FNTB: variants seen among roughly 807,000 people sequenced by gnomAD.
FNTB encodes farnesyltransferase, CAAX box, subunit beta, also known as protein farnesyltransferase subunit beta.
FNTB carries 27 observed loss-of-function variants against 59.4 expected under a neutral mutation model. The ratio of observed to expected loss-of-function variants is 0.45; its 90% CI spans 0.34 to 0.63. FNTB has a LOEUF of 0.63. Among genes scored for constraint, FNTB ranks in the 20% least tolerant of loss-of-function variants. The pLI is 0.02. For synonymous variants in FNTB, 230 were observed against 220.7 expected, an observed-to-expected ratio of 1.04 and a Z score of -0.37; for missense variants, 449 against 559.6, an observed-to-expected ratio of 0.80 and a Z score of 1.99.
chr14:65,046,514 G>A (rs2062481988), intron 9 of FNTB, among the ~76,000 whole-genome samples: 1 of 152,220 alleles, frequency 6.6e-6, no homozygotes, highest in African/African-American at 2.4e-5. Flanking sequence ...GTTCTAGGGG[G>A]CTTAGTGGCA....
At chr14:65,056,654 T>C (rs2062743762) in intron 11 of FNTB, among the ~76,000 whole-genome samples, 1 of 152,218 alleles carries the variant, frequency 6.6e-6, no homozygotes, top group Non-Finnish European at 1.5e-5. Context: ...TCATATTCTG[T>C]GCTCATTTTC....
chr14:65,003,824 C>T (rs2061544117), intron 1 of FNTB: 1 of 152,424 alleles, frequency 6.6e-6, no homozygotes. Flanking sequence ...GTCAATTTCC[C>T]TCAAAAACTG....
rs1416780550 is a variant in FNTB at position 65,001,698 on chromosome 14, A to G, written c.145-2551A>G. ...AGGCAAATCTTTATTTAATGATCTT[A>G]CCAATTTCTTATATATTTTTCTATC... On this transcript the variant is annotated intron_variant, in intron 1 of 11. Transcript: ENST00000246166. The surrounding 1 kb of genome is among the most constrained non-coding windows in gnomAD (Gnocchi z 5.5). 6.6e-6 allele frequency among the ~76,000 whole-genome samples: 1 copy of G among 152,202 alleles called. No homozygotes were observed. The highest frequency in any genetic ancestry group is 2.4e-5 in the African/African-American group (1 of 41,444).
At chr14:64,989,787 T>A (rs145453231) in intron 1 of FNTB, among the ~76,000 whole-genome samples, 1 of 152,370 alleles carries the variant, frequency 6.6e-6, no homozygotes, top group Non-Finnish European at 1.5e-5. Context: ...GCCAAGTTGA[T>A]GCCTTTATGA....
chr14:65,046,091 C>A (rs1046877680), intron 9 of FNTB, among the ~76,000 whole-genome samples: 1 of 152,144 alleles, frequency 6.6e-6, no homozygotes, highest in Admixed American at 6.5e-5. Flanking sequence ...ATTCTCCTGC[C>A]TTAGCCTCCT....
chr14:65,037,714 C>G, intron 7 of FNTB, among the ~76,000 whole-genome samples: 1 of 148,626 alleles, frequency 6.7e-6, no homozygotes, highest in Non-Finnish European at 1.5e-5. Context: ...TGTGAGCCAC[C>G]ATGCCCAGCC....
chr14:65,054,433 T>C lies in FNTB; in HGVS notation c.1068-142T>C. The C allele has an allele frequency of 1.2e-6, 1 of 801,286 alleles. No individual in the cohort carries two copies. Among genetic ancestry groups the C allele is most frequent in the Non-Finnish European group, 2.0e-6 (1 of 506,778 alleles). 49.6% of individuals were successfully genotyped at this position (801,286 alleles called of 1,614,324 possible). A position where few individuals can be genotyped will look rare whatever the true frequency, so the allele number is the denominator to read the frequency against. On this transcript the variant is annotated intron_variant, in intron 10 of 11. Transcript: ENST00000246166. This position sits in a 1 kb window ranked among gnomAD's most constrained non-coding sequence, Gnocchi z 4.4. ...CCAGTGGGGCTTTAAATAACACTGC[T>C]GGGAAAACCATGCCTCCTCTAGCCA...
rs879845454 is a variant in FNTB, at chr14:65,035,832, CT to C, written c.692+3149del. On this transcript the variant is annotated intron_variant, in intron 7 of 11. Coordinates refer to ENST00000246166, the MANE Select transcript of FNTB (RefSeq NM_002028.4). ...TACAGGCATGAGCCACTGCGCCCAG[CT>C]TTTTTTTTTTTTCTTTGAAGACACG... is the stretch of plus-strand genomic sequence containing the variant. Among the ~76,000 whole-genome samples the C allele has an allele frequency of 5.9e-3, 855 of 144,262 alleles. 4 individuals carry two copies. The highest frequency in any genetic ancestry group is 7.3e-3 in the Non-Finnish European group (476 of 65,516). The allele number at this position is 144,262 out of a possible 152,430, so 94.6% of individuals were successfully genotyped here. A position where few individuals can be genotyped will look rare whatever the true frequency, so the allele number is the denominator to read the frequency against.
At chr14:65,006,026 T>G in intron 2 of FNTB, 2 of 1,076,520 alleles carry the variant, frequency 1.9e-6, no homozygotes, top group Non-Finnish European at 2.6e-6. Flanking sequence ...AGTTCAGCCT[T>G]TCCTCCTTCA....
intron 11 of FNTB, among the ~76,000 whole-genome samples, chr14:65,059,334 T>C (rs10135220): frequency 0.24 from 34,906 of 147,884 alleles, 7,353 homozygotes; most frequent in African/African-American, 0.57. Context: ...CACTAGCCCC[T>C]TTTTTTTTTT....
chr14:65,022,493 G>A (rs776975458), intron 4 of FNTB, among the ~76,000 whole-genome samples: 1 of 151,880 alleles, frequency 6.6e-6, no homozygotes, highest in African/African-American at 2.4e-5. Flanking sequence ...ATTTTGCTGG[G>A]TAGCTTTCTC....
chr14:65,024,417 A>G (rs560567647), intron 4 of FNTB, among the ~76,000 whole-genome samples: 1 of 152,280 alleles, frequency 6.6e-6, no homozygotes, highest in South Asian at 2.1e-4. Flanking sequence ...TCACCTGAGA[A>G]TTTGGTAAAA....
chr14:65,055,067 C>T (rs974965927), intron 11 of FNTB, among the ~76,000 whole-genome samples: 1 of 152,260 alleles, frequency 6.6e-6, no homozygotes, highest in African/African-American at 2.4e-5. Flanking sequence ...GTACAGCCTG[C>T]CGCGTCTCTC....
chr14:65,001,655 G>C lies in FNTB; in HGVS notation c.145-2594G>C, dbSNP rs543203578. 1.3e-5 allele frequency among the ~76,000 whole-genome samples: 2 copies of C among 152,154 alleles called. No individual in the cohort carries two copies. The highest frequency in any genetic ancestry group is 2.9e-5 in the Non-Finnish European group (2 of 68,044). On this transcript the variant is annotated intron_variant, in intron 1 of 11. Coordinates refer to ENST00000246166, the MANE Select transcript of FNTB (RefSeq NM_002028.4). The surrounding 1 kb of genome is among the most constrained non-coding windows in gnomAD (Gnocchi z 5.5). ...GGAACCAATCCCGCATGGATACTGA[G>C]GGATGATGGTATATCATAGGCAAAT...
intron 9 of FNTB, among the ~76,000 whole-genome samples, chr14:65,050,038 C>A (rs1470234851): frequency 6.6e-6 from 1 of 151,888 alleles, no homozygotes; most frequent in Non-Finnish European, 1.5e-5. Flanking sequence ...ACTCACATAA[C>A]CAAAACAGAG....
Position 65,012,166 on chromosome 14 carries a change from G to A in FNTB, c.210-151G>A, listed in dbSNP as rs2061693399. ...CTTTTCTCTGGTTTAGTTGCTCTTT[G>A]GAACCAGAGAAGTTGCTGGTTATCC... On this transcript the variant is annotated intron_variant, in intron 2 of 11. Transcript: ENST00000246166. This position sits in a 1 kb window ranked among gnomAD's most constrained non-coding sequence, Gnocchi z 5.0. The A allele has an allele frequency of 7.1e-6, 6 of 841,272 alleles. No homozygotes were observed. Among genetic ancestry groups the A allele is most frequent in the South Asian group, 6.7e-5 (4 of 59,712 alleles). 52.1% of individuals were successfully genotyped at this position (841,272 alleles called of 1,614,324 possible). A position where few individuals can be genotyped will look rare whatever the true frequency, so the allele number is the denominator to read the frequency against.
At chr14:65,051,978 G>A (rs2062625415) in intron 9 of FNTB, among the ~76,000 whole-genome samples, 1 of 151,830 alleles carries the variant, frequency 6.6e-6, no homozygotes, top group Admixed American at 6.6e-5. Flanking sequence ...TGTATTTTTA[G>A]TAGAGACAGG....
rs1238664262 is a variant in FNTB, at chr14:65,027,674, C to T, written c.522-24C>T. On this transcript the variant is annotated intron_variant, in intron 5 of 11. Coordinates refer to ENST00000246166, the MANE Select transcript of FNTB (RefSeq NM_002028.4). The surrounding 1 kb of genome is among the most constrained non-coding windows in gnomAD (Gnocchi z 5.7). ...CTGACACGCACTGACTGTTGCCTCT[C>T]CTACCTCTTTCCCTGTTTCTCAGAG... The T allele has an allele frequency of 1.2e-6, 2 of 1,614,052 alleles. No homozygotes were observed. The highest frequency in any genetic ancestry group is 2.7e-5 in the African/African-American group (2 of 74,926).
At position 65,011,862 on chromosome 14, in the gene FNTB, C is replaced by T. The variant is rs951009485; in HGVS notation, c.210-455C>T. Among the ~76,000 whole-genome samples the T allele has an allele frequency of 6.6e-6, 1 of 151,998 alleles. No homozygotes were observed. The highest frequency in any genetic ancestry group is 2.4e-5 in the African/African-American group (1 of 41,360). On this transcript the variant is annotated intron_variant, in intron 2 of 11. Transcript: ENST00000246166. This position sits in a 1 kb window ranked among gnomAD's most constrained non-coding sequence, Gnocchi z 4.0. ...AGGCAGGCAGGGAGTAAATTATGGG[C>T]CTTGGAGAAGTCATCCCAGACGGGG...
Sources: gnomAD v4.1 joint callset for allele counts (sites outside exome capture counted in the v4.1 genomes callset) on GRCh38, gnomAD v4.1.1 for gene constraint, Gnocchi (gnomAD v3.1) non-coding constraint, MANE v1.5 for transcripts, NCBI Gene and HGNC (gene_info 2026-07-23, HGNC 2026-07-21) for gene names.